KSR1: variants seen among roughly 807,000 people sequenced by gnomAD.
KSR1 encodes kinase suppressor of ras 1.
In KSR1, 35 loss-of-function variants were observed where a neutral mutation model predicts 92.9. The ratio of observed to expected loss-of-function variants is 0.38; its 90% CI spans 0.29 to 0.50. The LOEUF is 0.50. KSR1 is among the 20% of genes least tolerant of loss of function. KSR1 has a pLI of 0.94. For missense variants in KSR1, 972 were observed against 1,158.5 expected (o/e 0.84, Z 2.34); for synonymous variants, 467 against 472.6 (o/e 0.99, Z 0.15).
chr17:27,477,168 G>GT (rs2068372075), intron 1 of KSR1, among the ~76,000 whole-genome samples: 2 of 152,298 alleles, frequency 1.3e-5, no homozygotes, highest in Admixed American at 1.3e-4. Flanking sequence ...GGCCATTTTG[G>GT]TTTTGGTGGG....
chr17:27,552,669 T>C (rs1278303953), intron 2 of KSR1, among the ~76,000 whole-genome samples: 2 of 152,194 alleles, frequency 1.3e-5, no homozygotes, highest in South Asian at 2.1e-4. Flanking sequence ...AAAGATTTCT[T>C]AGATGCAGTA....
chr17:27,569,425 G>A (rs1013484142), intron 2 of KSR1, among the ~76,000 whole-genome samples: 3 of 152,260 alleles, frequency 2.0e-5, no homozygotes, highest in Non-Finnish European at 4.4e-5. Context: ...TGTGCTGGGG[G>A]TTAGGTGGGG....
intron 1 of KSR1, among the ~76,000 whole-genome samples, chr17:27,475,591 C>G (rs879665555): frequency 2.0e-5 from 3 of 152,156 alleles, no homozygotes; most frequent in Non-Finnish European, 4.4e-5. Flanking sequence ...GGCACCTGCC[C>G]GGTATTACTC....
In KSR1 at chr17:27,610,134, A is replaced by T. The variant is rs1283045802; in HGVS notation, c.2293A>T (p.Met765Leu). The T allele has an allele frequency of 1.9e-6, 3 of 1,613,914 alleles. No individual in the cohort carries two copies. Among genetic ancestry groups the T allele is most frequent in the African/African-American group, 2.7e-5 (2 of 74,942 alleles). Residue 765 changes from methionine (M) to leucine (L), a missense_variant, in exon 17 of 21, where the codon ATG becomes TTG. Transcript: ENST00000644974. ...CYLAPEIVRE[M>L]TPGKDEDQLP... Reference sequence around the variant, plus strand: ...TCTGGCCCCTGAGATTGTACGCGAGATGACCCCCGGGAAGGACGAGGATCA... The same window carrying T: ...TCTGGCCCCTGAGATTGTACGCGAGTTGACCCCCGGGAAGGACGAGGATCA...
chr17:27,616,673 G>T lies in KSR1; in HGVS notation c.2494-622G>T, dbSNP rs188736994. 3.9e-5 allele frequency among the ~76,000 whole-genome samples: 6 copies of T among 152,306 alleles called. No individual in the cohort carries two copies. The East Asian group carries it at 1.2e-3, about 29-fold the overall frequency. ...GTGTATGTGTCCTGCCTGGTCGTATGTGCAAGAAATAGGCCTTTCCTCACA... is the reference window on the plus strand; with the variant it reads ...GTGTATGTGTCCTGCCTGGTCGTATTTGCAAGAAATAGGCCTTTCCTCACA... On this transcript the variant is annotated intron_variant, in intron 18 of 20. Transcript: ENST00000644974.
At chr17:27,545,380 C>T (rs576098443) in intron 1 of KSR1, among the ~76,000 whole-genome samples, 1 of 152,214 alleles carries the variant, frequency 6.6e-6, no homozygotes. Context: ...ATCCTTTCAA[C>T]AAAGGTTTTA....
chr17:27,515,047 C>A (rs751904072), intron 1 of KSR1, among the ~76,000 whole-genome samples: 1 of 152,040 alleles, frequency 6.6e-6, no homozygotes, highest in African/African-American at 2.4e-5. Context: ...TCAGGGATTC[C>A]CGAGGTTAAG....
At chr17:27,548,733 G>A (rs2071280721) in intron 1 of KSR1, among the ~76,000 whole-genome samples, 2 of 152,112 alleles carry the variant, frequency 1.3e-5, no homozygotes, top group South Asian at 4.1e-4. Flanking sequence ...GGGAAGCTGA[G>A]GCACAAGAAT....
intron 4 of KSR1, 91 bp from the exon 5 acceptor site, chr17:27,585,566 C>T (rs897133215): frequency 8.3e-6 from 6 of 720,590 alleles, no homozygotes; most frequent in Non-Finnish European, 1.3e-5. Flanking sequence ...GTCCCAGCCC[C>T]TTGCCTGCTC....
chr17:27,469,664 C>T (rs2019875257), intron 1 of KSR1, among the ~76,000 whole-genome samples: 1 of 152,118 alleles, frequency 6.6e-6, no homozygotes, highest in Admixed American at 6.5e-5. Flanking sequence ...CTGGACAGTG[C>T]CTGGTACTTA....
chr17:27,564,745 C>CG (rs1234749402), intron 2 of KSR1, among the ~76,000 whole-genome samples: 1 of 142,260 alleles, frequency 7.0e-6, no homozygotes, highest in Non-Finnish European at 1.6e-5. Flanking sequence ...GACCCCCCCC[C>CG]CCCACCTCCC....
chr17:27,564,122 G>A (rs1031128729), intron 2 of KSR1, among the ~76,000 whole-genome samples: 1 of 151,148 alleles, frequency 6.6e-6, no homozygotes, highest in African/African-American at 2.4e-5. Flanking sequence ...CCAAGTAGCT[G>A]AGATTACAGA....
Position 27,526,058 on chromosome 17 carries a change from C to CTCTTTCTT in KSR1, c.232-24507_232-24506insTTCTTTCT, listed in dbSNP as rs1555576342. 1.1e-3 allele frequency among the ~76,000 whole-genome samples: 54 copies of CTCTTTCTT among 50,976 alleles called. 2 individuals are homozygous for CTCTTTCTT. The highest frequency in any genetic ancestry group is 3.9e-3 in the African/African-American group (46 of 11,716). The allele number at this position is 50,976 out of a possible 152,430, so 33.4% of individuals were successfully genotyped here. On this transcript the variant is annotated intron_variant, in intron 1 of 20. Transcript: ENST00000644974. ...TTTTCTTTTCTTTCTCTCTCTCTCT[C>CTCTTTCTT]TCTCTTTCTTTCTCTTTCTTTCTTT... is the stretch of plus-strand genomic sequence containing the variant.
At chr17:27,482,288 C>T (rs1179204720) in intron 1 of KSR1, among the ~76,000 whole-genome samples, 1 of 152,086 alleles carries the variant, frequency 6.6e-6, no homozygotes, top group African/African-American at 2.4e-5. Context: ...ATCCATGGCC[C>T]TGGGGTTGCA....
chr17:27,466,677 C>A (rs1231284764), intron 1 of KSR1, among the ~76,000 whole-genome samples: 1 of 152,110 alleles, frequency 6.6e-6, no homozygotes, highest in Non-Finnish European at 1.5e-5. Context: ...GAATGCTTTT[C>A]AAAATAAAAA....
intron 3 of KSR1, 142 bp from the exon 4 acceptor site, chr17:27,582,504 A>T: frequency 1.4e-6 from 1 of 714,476 alleles, no homozygotes; most frequent in Non-Finnish European, 2.3e-6. Context: ...TTTATAAACC[A>T]GGTAAAGGTT....
chr17:27,582,584 C>A, intron 3 of KSR1, 62 bp from the exon 4 acceptor site: 1 of 1,459,298 alleles, frequency 6.9e-7, no homozygotes, highest in Non-Finnish European at 9.4e-7. Context: ...TGGCCCCTAG[C>A]CATCTCCCCT....
chr17:27,501,722 C>T (rs2069196598), intron 1 of KSR1, among the ~76,000 whole-genome samples: 1 of 152,230 alleles, frequency 6.6e-6, no homozygotes, highest in African/African-American at 2.4e-5. Context: ...TGGTCTTGAG[C>T]TCCTGACCTC....
At chr17:27,471,471 C>G (rs1374310852) in intron 1 of KSR1, among the ~76,000 whole-genome samples, 2 of 152,032 alleles carry the variant, frequency 1.3e-5, no homozygotes, top group African/African-American at 4.8e-5. Context: ...AGGAGTGTTC[C>G]CGGCAGAGGG....
Sources: gnomAD v4.1 joint callset for allele counts (sites outside exome capture counted in the v4.1 genomes callset) on GRCh38, gnomAD v4.1.1 for gene constraint, MANE v1.5 for transcripts, NCBI Gene and HGNC (gene_info 2026-07-23, HGNC 2026-07-21) for gene names.